The following PTPN22 variants were observed in gnomAD, a reference collection of about 807,000 sequenced individuals.
PTPN22 encodes the protein tyrosine-protein phosphatase non-receptor type 22.
A neutral mutation model predicts 103.3 loss-of-function variants in PTPN22; 85 were observed. That is an observed-to-expected ratio of 0.82 (90% confidence interval 0.69 to 0.99). The LOEUF is 0.99. Ranked by LOEUF, PTPN22 falls within the 50% of genes least tolerant of loss-of-function variation. PTPN22 has a pLI of 0.00. For missense variants in PTPN22, 865 were observed against 936.9 expected (o/e 0.92, Z 1.00); for synonymous variants, 323 against 310.2 (o/e 1.04, Z -0.43).
intron 18 of PTPN22, among the ~76,000 whole-genome samples, chr1:113,825,752 C>T (rs1031082550): frequency 2.0e-5 from 3 of 151,898 alleles, no homozygotes; most frequent in Non-Finnish European, 2.9e-5. Flanking sequence ...CTCGCTGTGT[C>T]GCCCAGGCTA....
At chr1:113,829,498 T>G in intron 18 of PTPN22, 94 bp downstream of exon 18, 1 of 629,500 alleles carries the variant, frequency 1.6e-6, no homozygotes, top group Non-Finnish European at 2.7e-6. Flanking sequence ...AATAAAGATA[T>G]TTAATCTAAT....
intron 16 of PTPN22, among the ~76,000 whole-genome samples, chr1:113,830,559 A>G (rs1662463005): frequency 6.6e-6 from 1 of 152,238 alleles, no homozygotes; most frequent in South Asian, 2.1e-4. Flanking sequence ...TGAAATGCTT[A>G]GATTTTGTTT....
At chr1:113,845,806 A>G (rs1361309946) in intron 11 of PTPN22, among the ~76,000 whole-genome samples, 1 of 152,140 alleles carries the variant, frequency 6.6e-6, no homozygotes, top group Non-Finnish European at 1.5e-5. Context: ...ATATTTTGCA[A>G]TTTCATTGTT....
intron 20 of PTPN22, chr1:113,819,340 C>T (rs1240034613): frequency 1.6e-5 from 4 of 255,038 alleles, no homozygotes; most frequent in Non-Finnish European, 3.0e-5. Context: ...TACTACATGC[C>T]AACACAATAA....
At chr1:113,853,929 G>C (rs1388703651) in intron 9 of PTPN22, among the ~76,000 whole-genome samples, 11 of 136,446 alleles carry the variant, frequency 8.1e-5, no homozygotes, top group Admixed American at 4.8e-4. Flanking sequence ...GCAGTGGCGC[G>C]ATCTTGGCTC....
intron 1 of PTPN22, among the ~76,000 whole-genome samples, chr1:113,866,511 AAACAAC>A (rs374580486): frequency 5.4e-4 from 82 of 150,922 alleles, no homozygotes; most frequent in African/African-American, 1.8e-3. Context: ...CTCCATCTCA[AAACAAC>A]AACAACAACA....
chr1:113,828,093 T>TG, intron 18 of PTPN22, among the ~76,000 whole-genome samples: 1 of 152,212 alleles, frequency 6.6e-6, no homozygotes, highest in Non-Finnish European at 1.5e-5. Context: ...CATTTTTATT[T>TG]GGGGGTTATT....
chr1:113,825,547 A>C (rs1661972591), intron 18 of PTPN22, among the ~76,000 whole-genome samples: 1 of 152,128 alleles, frequency 6.6e-6, no homozygotes, highest in African/African-American at 2.4e-5. Flanking sequence ...AAAAGTAAAA[A>C]AAATATTAGC....
At chr1:113,843,104 A>AAAAAAAAAAAG (rs1333163561) in intron 11 of PTPN22, among the ~76,000 whole-genome samples, 3 of 146,478 alleles carry the variant, frequency 2.0e-5, no homozygotes, top group East Asian at 3.9e-4. Context: ...CGTCTCAAAA[A>AAAAAAAAAAAG]AAAAAAAAAA....
At chr1:113,821,424 C>T (rs904360475) in intron 19 of PTPN22, among the ~76,000 whole-genome samples, 4 of 152,050 alleles carry the variant, frequency 2.6e-5, no homozygotes, top group Admixed American at 1.3e-4. Context: ...CAGGTTCAAG[C>T]GATTCTCCTG....
chr1:113,813,969 TATAA>T lies in PTPN22; in HGVS notation c.*932_*935del, dbSNP rs1178434722. ...AACAATACTACATGTTTCTAAAAGT[TATAA>T]ATAAAGTTATTTAAATAAAAATATT... On this transcript the variant is annotated 3_prime_UTR_variant, in exon 21 of 21. Coordinates refer to ENST00000359785, the Ensembl canonical transcript of PTPN22. 1.1e-4 allele frequency: 17 copies of T among 152,268 alleles called. 1 individual carries two copies. Among genetic ancestry groups the T allele is most frequent in the Admixed American group, 1.1e-3 (17 of 15,280 alleles). 9.4% of individuals were successfully genotyped at this position (152,268 alleles called of 1,614,324 possible).
chr1:113,859,489 C>A, intron 1 of PTPN22, 29 bp from the exon 2 acceptor site: 1 of 1,550,948 alleles, frequency 6.4e-7, no homozygotes, highest in Admixed American at 1.7e-5. Flanking sequence ...AAAAATTAAT[C>A]TTCCTAGAGA....
intron 11 of PTPN22, among the ~76,000 whole-genome samples, chr1:113,846,631 T>C (rs1352066534): frequency 6.6e-6 from 1 of 152,190 alleles, no homozygotes; most frequent in Non-Finnish European, 1.5e-5. Context: ...GCCATTTTTT[T>C]AGGGTAGGTC....
chr1:113,816,225 C>T (rs1198643068), intron 20 of PTPN22, among the ~76,000 whole-genome samples: 1 of 152,026 alleles, frequency 6.6e-6, no homozygotes, highest in African/African-American at 2.4e-5. Context: ...AATAATCCCA[C>T]ACTTTGGGAG....
intron 10 of PTPN22, among the ~76,000 whole-genome samples, chr1:113,851,156 ATT>A (rs5777169): frequency 6.8e-6 from 1 of 146,662 alleles, no homozygotes; most frequent in Non-Finnish European, 1.5e-5. Context: ...TGTGATTGTA[ATT>A]TTTTTTTTTT....
intron 19 of PTPN22, among the ~76,000 whole-genome samples, chr1:113,821,386 A>T (rs1163732936): frequency 6.6e-6 from 1 of 152,074 alleles, no homozygotes; most frequent in Admixed American, 6.6e-5. Context: ...CAATGGCACA[A>T]TCTCGGCTCA....
intron 11 of PTPN22, among the ~76,000 whole-genome samples, chr1:113,842,908 C>T (rs1156451241): frequency 6.7e-6 from 1 of 149,292 alleles, no homozygotes; most frequent in African/African-American, 2.5e-5. Flanking sequence ...GAGACCATCC[C>T]GGCTAAAACG....
intron 20 of PTPN22, among the ~76,000 whole-genome samples, chr1:113,819,007 A>G (rs535276065): frequency 6.6e-6 from 1 of 152,220 alleles, no homozygotes. Flanking sequence ...GCCTACCACT[A>G]ATTGCTATTC....
In PTPN22 at chr1:113,830,896, G is replaced by T. The variant is rs557021721; in HGVS notation, c.2054-867C>A. Among the ~76,000 whole-genome samples, 3 of 152,162 alleles carry T rather than the reference G, an allele frequency of 2.0e-5. No homozygotes were observed. The South Asian group carries it at 6.2e-4, about 32-fold the overall frequency. On this transcript the variant is annotated intron_variant, in intron 16 of 20. Transcript: ENST00000359785. The stretch of plus-strand genomic sequence containing the variant: ...AGAGGTTCACATGTCATTGGTCATT[G>T]GGTTTGTTTAGTCCTTAGAATTTGT...
Sources: gnomAD v4.1 joint callset for allele counts (sites outside exome capture counted in the v4.1 genomes callset) on GRCh38, gnomAD v4.1.1 for gene constraint, MANE v1.5 for transcripts, NCBI Gene and HGNC (gene_info 2026-07-23, HGNC 2026-07-21) for gene names.